The following STAT6 variants were observed in gnomAD, a reference collection of about 807,000 sequenced individuals.
STAT6 encodes STAT, interleukin4-induced.
Under a neutral mutation model 106.3 loss-of-function variants are expected in STAT6, and 45 were observed. The observed-to-expected ratio is 0.42, with a 90% CI of 0.33 to 0.54. STAT6 has a LOEUF of 0.54. Among genes scored for constraint, STAT6 ranks in the 20% least tolerant of loss-of-function variants. The pLI is 0.06. For missense variants in STAT6, 797 were observed against 1,062.2 expected, an observed-to-expected ratio of 0.75 and a Z score of 3.47; for synonymous variants, 413 against 413.6, an observed-to-expected ratio of 1.00 and a Z score of 0.02.
chr12:57,106,118 C>T, intron 7 of STAT6, 73 bp downstream of exon 7: 2 of 1,599,976 alleles, frequency 1.3e-6, no homozygotes, highest in Non-Finnish European at 1.7e-6. Context: ...CTTTCTCTCA[C>T]CTGTAGGGCC....
chr12:57,107,569 C>A, intron 3 of STAT6, 36 bp downstream of exon 3: 2 of 1,605,308 alleles, frequency 1.2e-6, no homozygotes, highest in Non-Finnish European at 1.7e-6. Context: ...TCAACCTCAG[C>A]CCCACCCAGC....
intron 13 of STAT6, among the ~76,000 whole-genome samples, chr12:57,100,622 AAGAG>A (rs146410287): frequency 2.4e-3 from 352 of 147,094 alleles, no homozygotes; most frequent in African/African-American, 2.8e-3. Context: ...AAGAAAGAAA[AAGAG>A]AGAAAGAGAA....
chr12:57,097,821 G>A (rs181104965), intron 19 of STAT6, among the ~76,000 whole-genome samples: 1 of 152,114 alleles, frequency 6.6e-6, no homozygotes, highest in African/African-American at 2.4e-5. Context: ...GATTGCTCGA[G>A]CCCAAGAGGC....
intron 11 of STAT6, chr12:57,104,127 T>G (rs1021525177): frequency 3.1e-5 from 9 of 292,138 alleles, no homozygotes; most frequent in African/African-American, 1.9e-4. Flanking sequence ...TCAATGTCCT[T>G]ATCTATAAAA....
At chr12:57,108,699 AC>A (rs1037816970) in intron 1 of STAT6, among the ~76,000 whole-genome samples, 96 of 152,340 alleles carry the variant, frequency 6.3e-4, no homozygotes, top group African/African-American at 2.3e-3. Context: ...AACTTTCCAA[AC>A]TTTTTAAAGC....
chr12:57,098,078 T>C (rs2033565677), intron 19 of STAT6, among the ~76,000 whole-genome samples: 1 of 152,166 alleles, frequency 6.6e-6, no homozygotes, highest in South Asian at 2.1e-4. Flanking sequence ...TTATACTCAA[T>C]GGTATTCGCA....
chr12:57,105,447 C>A (rs1227677158), intron 8 of STAT6, 21 bp downstream of exon 8: 1 of 1,613,814 alleles, frequency 6.2e-7, no homozygotes, highest in African/African-American at 1.3e-5. Context: ...CTAGGCCAGA[C>A]TGGGAGCTCC....
chr12:57,102,760 G>T, intron 12 of STAT6, 69 bp downstream of exon 12: 1 of 1,303,110 alleles, frequency 7.7e-7, no homozygotes, highest in Non-Finnish European at 1.1e-6. Context: ...CCCATCAGCA[G>T]GCCTGCACCA....
intron 18 of STAT6, 52 bp downstream of exon 18, chr12:57,098,740 G>C: frequency 1.3e-6 from 2 of 1,584,164 alleles, no homozygotes; most frequent in Admixed American, 3.5e-5. Context: ...CCCATGCTAA[G>C]ATTAGCCCAT....
At chr12:57,101,565 T>C (rs539848786) in intron 13 of STAT6, among the ~76,000 whole-genome samples, 2 of 151,654 alleles carry the variant, frequency 1.3e-5, no homozygotes, top group South Asian at 4.2e-4. Context: ...GGTTTTGCCA[T>C]GTTGGCCAGG....
Position 57,104,821 on chromosome 12 carries a change from G to A in STAT6, c.1002-8C>T. 1 of 1,614,068 alleles carries A rather than the reference G, an allele frequency of 6.2e-7. No individual in the cohort carries two copies. The highest frequency in any genetic ancestry group is 1.1e-5 in the South Asian group (1 of 91,072). On this transcript the variant is annotated splice_region_variant and splice_polypyrimidine_tract_variant and intron_variant, in intron 9 of 21. Transcript: ENST00000300134. Reference sequence around the variant, plus strand: ...ATTTCTCCAGTGCTTTCTCTGCCAGGGGAGGTCAGAGTGTGAACGAGCTCA... The same window carrying A: ...ATTTCTCCAGTGCTTTCTCTGCCAGAGGAGGTCAGAGTGTGAACGAGCTCA...
intron 11 of STAT6, chr12:57,104,233 C>A: frequency 5.2e-6 from 3 of 572,094 alleles, no homozygotes; most frequent in Non-Finnish European, 9.3e-6. Context: ...TAATAGAGTG[C>A]CCTGGTCTAT....
chr12:57,105,730 A>C, intron 7 of STAT6, 131 bp from the exon 8 acceptor site: 10 of 1,395,798 alleles, frequency 7.2e-6, no homozygotes, highest in Non-Finnish European at 9.5e-6. Flanking sequence ...GTGTGGCTGC[A>C]AGGCACCTGG....
intron 3 of STAT6, 81 bp downstream of exon 3, chr12:57,107,524 C>A: frequency 6.5e-7 from 1 of 1,535,880 alleles, no homozygotes; most frequent in Middle Eastern, 1.8e-4. Context: ...CAGCATCCAA[C>A]CAATTTTCTT....
intron 2 of STAT6, 58 bp downstream of exon 2, chr12:57,108,105 A>T: frequency 1.8e-6 from 2 of 1,118,560 alleles, no homozygotes; most frequent in Non-Finnish European, 2.7e-6. Flanking sequence ...AAATCTAAGG[A>T]GAAGGAAGAT....
chr12:57,105,945 G>T, intron 7 of STAT6: 2 of 665,958 alleles, frequency 3.0e-6, no homozygotes, highest in East Asian at 5.6e-5. Flanking sequence ...TATTCCTCTA[G>T]GCATGGGGCT....
Position 57,099,466 on chromosome 12 carries a change from T to C in STAT6, c.1745-26A>G, listed in dbSNP as rs370381212. The C allele has an allele frequency of 3.3e-5, 54 of 1,613,788 alleles. No individual in the cohort carries two copies. In the African/African-American group the frequency reaches 4.9e-4, roughly 15 times the overall value. On this transcript the variant is annotated intron_variant, in intron 15 of 21. Transcript: ENST00000300134. The surrounding 1 kb of genome is among the most constrained non-coding windows in gnomAD (Gnocchi z 4.7). Reference sequence around the variant, plus strand: ...CTATGGTAGGAAGGAGACCCTGAGATCCCTCTGTCCGGACTTTCTTCCCCT... The same window carrying C: ...CTATGGTAGGAAGGAGACCCTGAGACCCCTCTGTCCGGACTTTCTTCCCCT...
At position 57,099,775 on chromosome 12, in the gene STAT6, C is replaced by G; in HGVS notation, c.1736G>C (p.Gly579Ala). 1 of 1,613,224 alleles carries G rather than the reference C, an allele frequency of 6.2e-7. No homozygotes were observed. Among genetic ancestry groups the G allele is most frequent in the Non-Finnish European group, 8.5e-7 (1 of 1,179,790 alleles). ...GGCTGGGGTGGCCTCACCATCCTGG[C>G]CCCGGATGACATGGGCAATGGTGAT... ...GGITIAHVIR[G>A]QDGSPQIENI... Residue 579 changes from glycine to alanine, a missense_variant, in exon 15 of 22, where the codon GGC (glycine) becomes GCC (alanine). Around this residue, in one of 4 missense-constraint regions of STAT6, gnomAD observed 222 missense variants for 354.6 expected, o/e 0.63. Coordinates refer to ENST00000300134, the MANE Select transcript of STAT6 (RefSeq NM_003153.5). This position sits in a 1 kb window ranked among gnomAD's most constrained non-coding sequence, Gnocchi z 4.7.
In STAT6 at chr12:57,104,606, G is replaced by C. The variant is rs773985980; in HGVS notation, c.1090-20C>G. ...GAGAAGCTGTGGGTGGGGTGAGGGA[G>C]AGCAAGGGCGAGGTCATGAGGACAG... On this transcript the variant is annotated intron_variant, in intron 10 of 21. Transcript: ENST00000300134. 1.2e-6 allele frequency: 2 copies of C among 1,613,780 alleles called. No individual in the cohort carries two copies. Among genetic ancestry groups the C allele is most frequent in the African/African-American group, 2.7e-5 (2 of 75,038 alleles).
Sources: gnomAD v4.1 joint callset for allele counts (sites outside exome capture counted in the v4.1 genomes callset) on GRCh38, gnomAD v4.1.1 for gene constraint, gnomAD v4.1.1 regional missense constraint, Gnocchi (gnomAD v3.1) non-coding constraint, MANE v1.5 for transcripts, NCBI Gene and HGNC (gene_info 2026-07-23, HGNC 2026-07-21) for gene names.